BANP: variants seen among roughly 807,000 people sequenced by gnomAD.
The protein encoded by BANP is BTG3 associated nuclear protein.
Under a neutral mutation model 68.1 loss-of-function variants are expected in BANP, and 11 were observed. The observed-to-expected ratio is 0.16, with a 90% CI of 0.10 to 0.27. The LOEUF is 0.27. Among genes scored for constraint, BANP ranks in the 10% least tolerant of loss-of-function variants. The pLI, the probability that BANP is intolerant of heterozygous loss-of-function variation, is 1.00. For synonymous variants in BANP, 329 were observed against 303.2 expected (o/e 1.09, Z -0.88); for missense variants, 504 against 722.7 (o/e 0.70, Z 3.47).
At chr16:88,041,297 C>T (rs2080734017) in intron 11 of BANP, among the ~76,000 whole-genome samples, 1 of 152,214 alleles carries the variant, frequency 6.6e-6, no homozygotes, top group South Asian at 2.1e-4. Flanking sequence ...TTTGAGGCCA[C>T]GTCTGCAGCC....
chr16:87,977,396 G>C (rs1381784083), intron 2 of BANP, among the ~76,000 whole-genome samples: 3 of 147,716 alleles, frequency 2.0e-5, no homozygotes, highest in Non-Finnish European at 4.6e-5. Flanking sequence ...TCCAGGCTGG[G>C]CGACAGAGCG....
At chr16:87,968,249 C>CT (rs2060452925) in intron 1 of BANP, among the ~76,000 whole-genome samples, 3 of 150,914 alleles carry the variant, frequency 2.0e-5, no homozygotes, top group Non-Finnish European at 4.4e-5. Flanking sequence ...TTTGGGAGAC[C>CT]GAGGTGGGTG....
Position 88,072,232 on chromosome 16 carries a change from C to T in BANP, c.1521+20C>T. On this transcript the variant is annotated intron_variant, in intron 13 of 13. Transcript: ENST00000682872. ...GCACAGGTGAGTCTGGGGCCCCGCG[C>T]CGGGACACTGAAGTGATGGCATGGC... 6.3e-7 allele frequency: 1 copy of T among 1,597,616 alleles called. No homozygotes were observed. The highest frequency in any genetic ancestry group is 8.5e-7 in the Non-Finnish European group (1 of 1,173,386).
intron 11 of BANP, among the ~76,000 whole-genome samples, chr16:88,061,088 AG>A (rs1422214391): frequency 1.3e-5 from 2 of 152,044 alleles, no homozygotes; most frequent in Admixed American, 6.5e-5. Context: ...CCTTCCTTCG[AG>A]TTTTTAGCCT....
chr16:88,044,199 G>A (rs547775777), intron 11 of BANP, among the ~76,000 whole-genome samples: 15 of 152,342 alleles, frequency 9.8e-5, no homozygotes, highest in East Asian at 5.8e-4. Flanking sequence ...ATGAGTGCAC[G>A]CGGGCTGCAT....
chr16:88,040,533 G>A (rs1386143841), intron 11 of BANP, among the ~76,000 whole-genome samples: 9 of 148,136 alleles, frequency 6.1e-5, no homozygotes, highest in Admixed American at 3.4e-4. Context: ...TCTCCTCCCC[G>A]TCCCCGTGCC....
In BANP at chr16:88,057,828, G is replaced by C. The variant is rs2085518045; in HGVS notation, c.1312-7439G>C. 6.6e-6 allele frequency among the ~76,000 whole-genome samples: 1 copy of C among 151,992 alleles called. No individual in the cohort carries two copies. The highest frequency in any genetic ancestry group is 1.5e-5 in the Non-Finnish European group (1 of 68,004). On this transcript the variant is annotated intron_variant, in intron 11 of 13. Transcript: ENST00000682872. This position sits in a 1 kb window ranked among gnomAD's most constrained non-coding sequence, Gnocchi z 4.6. ...CTGGACTCCAGGGCAAGTGGTGCTG[G>C]CCGGATGCCCACAGTGAGGAGGTGC...
At chr16:88,028,939 C>T (rs893207965) in intron 8 of BANP, among the ~76,000 whole-genome samples, 1 of 152,166 alleles carries the variant, frequency 6.6e-6, no homozygotes, top group Admixed American at 6.5e-5. Context: ...TTATTTTTCC[C>T]TTTGTCTTTC....
chr16:87,967,578 C>T (rs1008719123), intron 1 of BANP, among the ~76,000 whole-genome samples: 1 of 151,300 alleles, frequency 6.6e-6, no homozygotes, highest in Non-Finnish European at 1.5e-5. Context: ...GCCTTGGCCT[C>T]CCAAGTAGCT....
At chr16:87,987,854 C>T (rs1433844203) in intron 4 of BANP, among the ~76,000 whole-genome samples, 3 of 151,900 alleles carry the variant, frequency 2.0e-5, no homozygotes, top group Non-Finnish European at 2.9e-5. Context: ...CAACCTCTGC[C>T]TCCTGGATTC....
chr16:88,076,551 G>C (rs371257066), intron 13 of BANP, 39 bp from the exon 14 acceptor site: 1 of 1,589,988 alleles, frequency 6.3e-7, no homozygotes, highest in East Asian at 2.2e-5. Flanking sequence ...GCAGTGCTGG[G>C]TATTTTTCTA....
intron 1 of BANP, among the ~76,000 whole-genome samples, chr16:87,968,272 C>A (rs59107458): frequency 1.4e-4 from 21 of 151,422 alleles, no homozygotes; most frequent in African/African-American, 5.1e-4. Context: ...TCACCTGAGG[C>A]CGGGAGTTCG....
Position 88,006,276 on chromosome 16 carries a change from G to C in BANP, c.655+11G>C. The C allele has an allele frequency of 6.3e-7, 1 of 1,579,452 alleles. No homozygotes were observed. Among genetic ancestry groups the C allele is most frequent in the Non-Finnish European group, 8.6e-7 (1 of 1,161,454 alleles). On this transcript the variant is annotated intron_variant, in intron 6 of 13. Transcript: ENST00000682872. ...CCCTGAACTCGGAAGGTGCGTCCAG[G>C]GCGGCTTTCCTCGGCCAGAGCGCCA... is the stretch of plus-strand genomic sequence containing the variant.
chr16:88,060,407 G>A (rs2086403386), intron 11 of BANP, among the ~76,000 whole-genome samples: 1 of 152,224 alleles, frequency 6.6e-6, no homozygotes, highest in Admixed American at 6.5e-5. Context: ...TCACGATTAG[G>A]AGGGAGATCA....
At chr16:88,031,670 C>G (rs988360755) in intron 8 of BANP, among the ~76,000 whole-genome samples, 3 of 151,712 alleles carry the variant, frequency 2.0e-5, no homozygotes, top group Admixed American at 2.0e-4. Context: ...AAAAGAAACC[C>G]AACATTTTAT....
intron 4 of BANP, among the ~76,000 whole-genome samples, chr16:87,999,051 T>G (rs868049879): frequency 6.6e-5 from 8 of 121,092 alleles, no homozygotes; most frequent in African/African-American, 9.7e-5. Context: ...TACTTACCTG[T>G]CCTTCCAGAC....
At chr16:88,070,091 A>G (rs1368395623) in intron 12 of BANP, among the ~76,000 whole-genome samples, 1 of 152,170 alleles carries the variant, frequency 6.6e-6, no homozygotes, top group Non-Finnish European at 1.5e-5. Flanking sequence ...GCCTTTCTGA[A>G]TACCACGTTT....
intron 11 of BANP, among the ~76,000 whole-genome samples, chr16:88,045,258 C>G (rs897495371): frequency 5.3e-5 from 8 of 152,228 alleles, no homozygotes; most frequent in African/African-American, 1.9e-4. Context: ...TTTGGCATGG[C>G]TGGCCTTCTG....
intron 9 of BANP, among the ~76,000 whole-genome samples, chr16:88,034,697 G>A (rs1454455759): frequency 5.9e-5 from 9 of 152,266 alleles, no homozygotes; most frequent in East Asian, 1.9e-4. Context: ...TCTTTTCTGT[G>A]TGTCATGCAC....
Sources: allele counts gnomAD v4.1 joint callset (sites outside exome capture counted in the v4.1 genomes callset), GRCh38; gene constraint gnomAD v4.1.1; non-coding constraint Gnocchi (gnomAD v3.1); transcripts MANE v1.5; gene names NCBI Gene and HGNC (gene_info 2026-07-23, HGNC 2026-07-21).